The following VPS13B variants were observed in gnomAD, a reference collection of about 807,000 sequenced individuals.
The protein encoded by VPS13B is intermembrane lipid transfer protein VPS13B.
A neutral mutation model predicts 426.4 loss-of-function variants in VPS13B; 285 were observed. The observed-to-expected ratio is 0.67, with a 90% CI of 0.61 to 0.74. VPS13B has a LOEUF of 0.74. Ranked by LOEUF, VPS13B falls within the 30% of genes least tolerant of loss-of-function variation. The pLI is 0.00. For synonymous variants in VPS13B, 1,676 were observed against 1,676.4 expected, an observed-to-expected ratio of 1.00 and a Z score of 0.01; for missense variants, 4,537 against 4,782.6, an observed-to-expected ratio of 0.95 and a Z score of 1.51.
intron 33 of VPS13B, among the ~76,000 whole-genome samples, chr8:99,631,427 T>C (rs1365969285): frequency 6.6e-6 from 1 of 152,128 alleles, no homozygotes; most frequent in Non-Finnish European, 1.5e-5. Flanking sequence ...ATAATTGAAC[T>C]AGAGATTCCT....
At position 99,111,283 on chromosome 8, in the gene VPS13B, G is replaced by C; in HGVS notation, c.762+4G>C. 1 of 1,593,830 alleles carries C rather than the reference G, an allele frequency of 6.3e-7. No individual in the cohort carries two copies. Among genetic ancestry groups the C allele is most frequent in the East Asian group, 2.3e-5 (1 of 43,966 alleles). On this transcript the variant is annotated splice_donor_region_variant and intron_variant, in intron 6 of 61. Coordinates refer to ENST00000357162, the MANE Select transcript of VPS13B (RefSeq NM_152564.5). ...CAAGATGCCATCTGTTATTAAAGTA[G>C]GTATCTCTTTTTTTTGCAGTTAAGT...
At chr8:99,355,320 T>C (rs1588285717) in intron 19 of VPS13B, among the ~76,000 whole-genome samples, 1 of 152,146 alleles carries the variant, frequency 6.6e-6, no homozygotes, top group Admixed American at 6.5e-5. Flanking sequence ...TGGCTGGGCG[T>C]GGTGGCTCAC....
chr8:99,501,659 G>A (rs373433483), intron 25 of VPS13B, 28 bp from the exon 26 acceptor site: 4 of 1,610,766 alleles, frequency 2.5e-6, no homozygotes, highest in African/African-American at 1.3e-5. Context: ...ATGTTACAAA[G>A]TAAGATTTTT....
intron 3 of VPS13B, among the ~76,000 whole-genome samples, chr8:99,092,795 G>A (rs928916574): frequency 1.3e-5 from 2 of 151,992 alleles, no homozygotes; most frequent in Non-Finnish European, 2.9e-5. Context: ...ATATTCCTAT[G>A]AGTACCATGA....
At chr8:99,249,154 C>A (rs956728776) in intron 17 of VPS13B, among the ~76,000 whole-genome samples, 1 of 97,866 alleles carries the variant, frequency 1.0e-5, no homozygotes, top group Non-Finnish European at 2.7e-5. Context: ...TATTATGTGA[C>A]CTTTTGGTTT....
At chr8:99,200,684 A>G (rs1163325689) in intron 17 of VPS13B, among the ~76,000 whole-genome samples, 2 of 151,918 alleles carry the variant, frequency 1.3e-5, no homozygotes, top group East Asian at 3.9e-4. Context: ...TTTATTAGCT[A>G]TTTCTATCTC....
chr8:99,094,289 T>A (rs1013015613), intron 3 of VPS13B, among the ~76,000 whole-genome samples: 3 of 152,192 alleles, frequency 2.0e-5, no homozygotes, highest in Admixed American at 6.5e-5. Context: ...AATAATGTGC[T>A]TTTAATGTTA....
intron 11 of VPS13B, 71 bp downstream of exon 11, chr8:99,135,804 T>G (rs1810042238): frequency 6.3e-7 from 1 of 1,589,874 alleles, no homozygotes; most frequent in Non-Finnish European, 8.6e-7. Context: ...ATACTTGTGA[T>G]TTCTAGCTTT....
intron 22 of VPS13B, among the ~76,000 whole-genome samples, chr8:99,434,460 T>C (rs1817272748): frequency 6.6e-6 from 1 of 152,220 alleles, no homozygotes. Flanking sequence ...GTCTGTTGTT[T>C]TAGGCTGTTA....
At chr8:99,242,194 G>T (rs907283852) in intron 17 of VPS13B, among the ~76,000 whole-genome samples, 1 of 152,066 alleles carries the variant, frequency 6.6e-6, no homozygotes, top group Non-Finnish European at 1.5e-5. Flanking sequence ...TGTTGGCCAG[G>T]GTGGTCTCAA....
At chr8:99,440,500 A>G (rs898792931) in intron 22 of VPS13B, among the ~76,000 whole-genome samples, 8 of 152,156 alleles carry the variant, frequency 5.3e-5, no homozygotes, top group African/African-American at 1.9e-4. Flanking sequence ...TTAAAAGTGT[A>G]AAAAGATTTA....
intron 3 of VPS13B, among the ~76,000 whole-genome samples, chr8:99,053,397 G>T (rs868523985): frequency 3.3e-5 from 5 of 151,940 alleles, no homozygotes; most frequent in East Asian, 3.9e-4. Context: ...GGTTTTTTTG[G>T]TTTTTTGTCC....
At chr8:99,764,069 T>G (rs1280766613) in intron 39 of VPS13B, among the ~76,000 whole-genome samples, 1 of 152,154 alleles carries the variant, frequency 6.6e-6, no homozygotes, top group Non-Finnish European at 1.5e-5. Flanking sequence ...GAGATCCCAT[T>G]TTGTCCTCAA....
At chr8:99,501,247 C>G (rs1299345442) in intron 25 of VPS13B, among the ~76,000 whole-genome samples, 4 of 152,078 alleles carry the variant, frequency 2.6e-5, no homozygotes, top group Non-Finnish European at 2.9e-5. Flanking sequence ...TACCTTTGGA[C>G]TTTGTGGATT....
chr8:99,661,118 A>AT (rs970664057), intron 34 of VPS13B, among the ~76,000 whole-genome samples: 2 of 152,090 alleles, frequency 1.3e-5, no homozygotes, highest in Middle Eastern at 3.4e-3. Flanking sequence ...AGATTTGAAC[A>AT]TTTTTTTCCT....
At chr8:99,323,972 G>A (rs1174442393) in intron 19 of VPS13B, among the ~76,000 whole-genome samples, 1 of 152,152 alleles carries the variant, frequency 6.6e-6, no homozygotes, top group Non-Finnish European at 1.5e-5. Flanking sequence ...ACTGGCAAAG[G>A]ACTCCCAGCG....
chr8:99,234,464 C>T, intron 17 of VPS13B: 2 of 581,814 alleles, frequency 3.4e-6, no homozygotes, highest in South Asian at 1.4e-5. Flanking sequence ...TTTACCTTGG[C>T]CTCGCCGCCG....
intron 33 of VPS13B, among the ~76,000 whole-genome samples, chr8:99,639,538 A>G (rs1829215689): frequency 6.6e-6 from 1 of 151,966 alleles, no homozygotes; most frequent in Non-Finnish European, 1.5e-5. Flanking sequence ...CTCAACAACT[A>G]TAAAAACCAA....
intron 44 of VPS13B, among the ~76,000 whole-genome samples, chr8:99,813,731 A>C (rs1330880601): frequency 6.6e-6 from 1 of 152,260 alleles, no homozygotes; most frequent in Non-Finnish European, 1.5e-5. Context: ...ATAAGCAGAT[A>C]GTTGAGAAAT....
Sources: gnomAD v4.1 joint callset for allele counts (sites outside exome capture counted in the v4.1 genomes callset) on GRCh38, gnomAD v4.1.1 for gene constraint, MANE v1.5 for transcripts, NCBI Gene and HGNC (gene_info 2026-07-23, HGNC 2026-07-21) for gene names.